The following MAP3K3 variants were observed in gnomAD, a reference collection of about 807,000 sequenced individuals.
MAP3K3 encodes mitogen-activated protein kinase kinase kinase 3, also known as MAP/ERK kinase kinase 3.
In MAP3K3, 12 loss-of-function variants were observed where a neutral mutation model predicts 80.9. The observed-to-expected ratio is 0.15, with a 90% CI of 0.10 to 0.24. The LOEUF (loss-of-function observed/expected upper bound fraction) is 0.24, where lower values mean the gene tolerates loss of function less well. Among genes scored for constraint, MAP3K3 ranks in the 10% least tolerant of loss-of-function variants. The pLI, the probability that MAP3K3 is intolerant of heterozygous loss-of-function variation, is 1.00. For missense variants in MAP3K3, 596 were observed against 834.7 expected, an observed-to-expected ratio of 0.71 and a Z score of 3.52; for synonymous variants, 272 against 307.1, an observed-to-expected ratio of 0.89 and a Z score of 1.19.
In MAP3K3 at chr17:63,691,312, C is replaced by T; in HGVS notation, c.1344+79C>T. 1 of 1,592,762 alleles carries T rather than the reference C, an allele frequency of 6.3e-7. No homozygotes were observed. Among genetic ancestry groups the T allele is most frequent in the South Asian group, 1.1e-5 (1 of 90,098 alleles). ...GGGCTGGGGCCTGCAGGAGGGGGGT[C>T]ACCTTGGATAGGAGTTTGAACACCT... On this transcript the variant is annotated intron_variant, in intron 13 of 15. Coordinates refer to ENST00000361733, the MANE Select transcript of MAP3K3 (RefSeq NM_002401.5). The surrounding 1 kb of genome is among the most constrained non-coding windows in gnomAD (Gnocchi z 4.8).
At chr17:63,690,210 G>A (rs2035555044) in intron 11 of MAP3K3, 54 bp from the exon 12 acceptor site, 1 of 1,568,830 alleles carries the variant, frequency 6.4e-7, no homozygotes, top group Non-Finnish European at 8.7e-7. Context: ...AGAATGAATG[G>A]GATATTCATA....
At chr17:63,673,728 T>C (rs900327101) in intron 6 of MAP3K3, among the ~76,000 whole-genome samples, 11 of 152,130 alleles carry the variant, frequency 7.2e-5, no homozygotes, top group African/African-American at 2.4e-4. Flanking sequence ...CTGTCCAACA[T>C]GGTGAAACCC....
intron 2 of MAP3K3, among the ~76,000 whole-genome samples, chr17:63,643,157 GATTA>G (rs912748655): frequency 4.6e-5 from 7 of 151,954 alleles, no homozygotes; most frequent in Admixed American, 1.3e-4. Context: ...TATCAATATT[GATTA>G]ATTAATTGTA....
intron 4 of MAP3K3, among the ~76,000 whole-genome samples, 172 bp downstream of exon 4, chr17:63,652,828 T>C (rs1330010448): frequency 6.6e-6 from 1 of 152,214 alleles, no homozygotes; most frequent in East Asian, 1.9e-4. Flanking sequence ...TTTTACTACA[T>C]GGGAGATTAC....
intron 6 of MAP3K3, among the ~76,000 whole-genome samples, chr17:63,673,095 T>C (rs571471382): frequency 2.0e-4 from 30 of 152,218 alleles, no homozygotes; most frequent in Non-Finnish European, 3.8e-4. Flanking sequence ...CAGTTCACAC[T>C]GGAACATTTG....
At chr17:63,682,160 G>A (rs974008503) in intron 7 of MAP3K3, among the ~76,000 whole-genome samples, 3 of 152,198 alleles carry the variant, frequency 2.0e-5, no homozygotes, top group East Asian at 1.9e-4. Flanking sequence ...TTTCTTCATC[G>A]TGGTCCTCTC....
At chr17:63,670,114 A>T (rs572494227) in intron 6 of MAP3K3, among the ~76,000 whole-genome samples, 1 of 152,130 alleles carries the variant, frequency 6.6e-6, no homozygotes, top group South Asian at 2.1e-4. Context: ...AAAAAAAAAA[A>T]AGTAATTACC....
intron 2 of MAP3K3, chr17:63,637,227 A>G (rs2034348300): frequency 4.5e-6 from 1 of 219,830 alleles, no homozygotes; most frequent in Admixed American, 5.7e-5. Flanking sequence ...CTGGCCTAGG[A>G]GTCATAGAGT....
intron 1 of MAP3K3, among the ~76,000 whole-genome samples, chr17:63,626,782 G>A (rs2034111404): frequency 6.6e-6 from 1 of 152,254 alleles, no homozygotes; most frequent in Non-Finnish European, 1.5e-5. Flanking sequence ...AGACTCTCCT[G>A]AGTGGGCAGT....
chr17:63,623,333 T>C (rs1002541663), intron 1 of MAP3K3, among the ~76,000 whole-genome samples: 1 of 152,184 alleles, frequency 6.6e-6, no homozygotes, highest in African/African-American at 2.4e-5. Context: ...ACTGGAGCTG[T>C]GATCAAGCGC....
At chr17:63,669,676 C>A (rs1232091904) in intron 6 of MAP3K3, among the ~76,000 whole-genome samples, 1 of 152,164 alleles carries the variant, frequency 6.6e-6, no homozygotes, top group African/African-American at 2.4e-5. Context: ...GCTGGTATGA[C>A]TCCTGACCTC....
chr17:63,666,345 A>G (rs1039407231), intron 5 of MAP3K3, among the ~76,000 whole-genome samples: 2 of 152,162 alleles, frequency 1.3e-5, no homozygotes, highest in African/African-American at 2.4e-5. Context: ...TTAAACATAC[A>G]TATATAAGCT....
intron 2 of MAP3K3, among the ~76,000 whole-genome samples, chr17:63,635,561 A>G (rs1052482714): frequency 9.2e-5 from 14 of 152,382 alleles, no homozygotes; most frequent in South Asian, 8.3e-4. Flanking sequence ...AGAAAAAGAC[A>G]AAGTCTCAGC....
In MAP3K3 at chr17:63,685,712, C is replaced by T; in HGVS notation, c.710+122C>T. 5.2e-6 allele frequency: 4 copies of T among 762,568 alleles called. No individual in the cohort carries two copies. In the Admixed American group the frequency reaches 6.4e-5, roughly 12 times the overall value. 47.2% of individuals were successfully genotyped at this position (762,568 alleles called of 1,614,324 possible). ...ACATCATGCTTCTAGGAAAAGCCTT[C>T]TCCTTAATTTCCCCAACACCACGAG... On this transcript the variant is annotated intron_variant, in intron 8 of 15. Transcript: ENST00000361733.
chr17:63,672,047 C>T (rs1231190751), intron 6 of MAP3K3, among the ~76,000 whole-genome samples: 2 of 151,896 alleles, frequency 1.3e-5, no homozygotes, highest in Middle Eastern at 3.2e-3. Flanking sequence ...CTTTGGGAGG[C>T]CGAGATGGGT....
chr17:63,644,237 C>A (rs1459309025), intron 2 of MAP3K3, among the ~76,000 whole-genome samples: 1 of 152,092 alleles, frequency 6.6e-6, no homozygotes, highest in African/African-American at 2.4e-5. Context: ...TTTTTTGAGA[C>A]AGGGTCTCAC....
intron 6 of MAP3K3, among the ~76,000 whole-genome samples, chr17:63,671,897 G>T (rs1363201515): frequency 1.3e-5 from 2 of 152,014 alleles, no homozygotes; most frequent in Non-Finnish European, 2.9e-5. Context: ...GAATTTGCAG[G>T]TGTTTTCAGG....
chr17:63,681,112 TAAA>T (rs76886126), intron 6 of MAP3K3, among the ~76,000 whole-genome samples: 3 of 130,490 alleles, frequency 2.3e-5, no homozygotes, highest in South Asian at 2.5e-4. Flanking sequence ...TGTCTCAATT[TAAA>T]AAAAAAAAAA....
intron 1 of MAP3K3, 57 bp from the exon 2 acceptor site, chr17:63,632,624 A>G: frequency 3.7e-6 from 6 of 1,600,676 alleles, no homozygotes; most frequent in Non-Finnish European, 5.1e-6. Context: ...AGTTTGTGAA[A>G]GAGCTTTGCT....
Sources: allele counts gnomAD v4.1 joint callset (sites outside exome capture counted in the v4.1 genomes callset), GRCh38; gene constraint gnomAD v4.1.1; non-coding constraint Gnocchi (gnomAD v3.1); transcripts MANE v1.5; gene names NCBI Gene and HGNC (gene_info 2026-07-23, HGNC 2026-07-21).